Variants in PPP2R2C observed in about 807,000 individuals in gnomAD.
The protein encoded by PPP2R2C is protein phosphatase 2 regulatory subunit Bgamma, also known as protein phosphatase 2, regulatory subunit B, gamma.
PPP2R2C carries 10 observed loss-of-function variants against 45.3 expected under a neutral mutation model. That is an observed-to-expected ratio of 0.22 (90% CI 0.14 to 0.37). PPP2R2C has a LOEUF of 0.37. Ranked by LOEUF, PPP2R2C falls within the 10% of genes least tolerant of loss-of-function variation. The pLI is 1.00. For synonymous variants in PPP2R2C, 257 were observed against 245.4 expected (o/e 1.05, Z -0.44); for missense variants, 308 against 619.7 (o/e 0.50, Z 5.34).
intron 1 of PPP2R2C, among the ~76,000 whole-genome samples, chr4:6,405,189 T>C (rs886212181): frequency 1.3e-5 from 2 of 152,112 alleles, no homozygotes; most frequent in Admixed American, 6.5e-5. Context: ...ATTATATTAG[T>C]CTCCCCGTTT....
intron 5 of PPP2R2C, among the ~76,000 whole-genome samples, chr4:6,357,846 C>T (rs1351061638): frequency 2.0e-5 from 3 of 152,198 alleles, no homozygotes; most frequent in African/African-American, 7.2e-5. Flanking sequence ...AAGTCTGCAG[C>T]CATCCCTTCC....
chr4:6,511,393 ATGG>A lies in PPP2R2C; in HGVS notation c.49+23875_49+23877del, dbSNP rs1241116275. 5.7e-5 allele frequency among the ~76,000 whole-genome samples: 7 copies of A among 123,638 alleles called. No individual in the cohort carries two copies. In the South Asian group the frequency reaches 1.1e-3, roughly 19 times the overall value. 81.1% of individuals were successfully genotyped at this position (123,638 alleles called of 152,430 possible). A position where few individuals can be genotyped will look rare whatever the true frequency, so the allele number is the denominator to read the frequency against. ...GGTGGCGGTGATGGTGGTGATGGTGATGGTGGTGATGGTGGTGGTGACAGTGAT... is the reference window on the plus strand; with the variant it reads ...GGTGGCGGTGATGGTGGTGATGGTGATGGTGATGGTGGTGGTGACAGTGAT... On this transcript the variant is annotated intron_variant, in intron 2 of 9. Transcript: ENST00000506140.
intron 1 of PPP2R2C, among the ~76,000 whole-genome samples, chr4:6,430,879 C>T (rs1222744456): frequency 6.6e-6 from 1 of 151,908 alleles, no homozygotes; most frequent in African/African-American, 2.4e-5. Context: ...GAGCCAAGAT[C>T]GCACCACTGC....
At chr4:6,447,351 C>T (rs955388638) in intron 1 of PPP2R2C, among the ~76,000 whole-genome samples, 6 of 152,206 alleles carry the variant, frequency 3.9e-5, no homozygotes, top group Admixed American at 2.6e-4. Context: ...CCCACCCTCC[C>T]GTTTCCATGG....
At chr4:6,385,772 A>G (rs527412810) in intron 1 of PPP2R2C, among the ~76,000 whole-genome samples, 1 of 152,160 alleles carries the variant, frequency 6.6e-6, no homozygotes, top group South Asian at 2.1e-4. Flanking sequence ...GTTTCACCAT[A>G]TTGGTCAGGT....
intron 2 of PPP2R2C, among the ~76,000 whole-genome samples, chr4:6,486,135 C>A (rs1438725387): frequency 6.6e-6 from 1 of 151,968 alleles, no homozygotes; most frequent in East Asian, 1.9e-4. Flanking sequence ...CTTTCTTGGA[C>A]ACATGGGTTA....
chr4:6,512,201 T>G (rs1723613726), intron 2 of PPP2R2C, among the ~76,000 whole-genome samples: 1 of 86,506 alleles, frequency 1.2e-5, no homozygotes. Flanking sequence ...GTGGTGGTGA[T>G]GGTGGTGGTG....
At position 6,345,060 on chromosome 4, in the gene PPP2R2C, G is replaced by C. The variant is rs1420703964; in HGVS notation, c.790+2786C>G. 1.3e-5 allele frequency among the ~76,000 whole-genome samples: 2 copies of C among 152,216 alleles called. No homozygotes were observed. Among genetic ancestry groups the C allele is most frequent in the Non-Finnish European group, 2.9e-5 (2 of 68,038 alleles). ...AAGCTGCCTCACTCATTTCAGAAGA[G>C]TTGAATAATCTTAGCATTTAAGATT... On this transcript the variant is annotated intron_variant, in intron 6 of 8. Coordinates refer to ENST00000382599, the MANE Select transcript of PPP2R2C (RefSeq NM_020416.4). The surrounding 1 kb of genome is among the most constrained non-coding windows in gnomAD (Gnocchi z 5.3).
chr4:6,531,205 G>A (rs1334087934), intron 2 of PPP2R2C, among the ~76,000 whole-genome samples: 1 of 152,194 alleles, frequency 6.6e-6, no homozygotes, highest in Non-Finnish European at 1.5e-5. Flanking sequence ...AGTGTCCTTC[G>A]AGGCCTCTCA....
chr4:6,421,725 GC>G (rs34332993), intron 1 of PPP2R2C, among the ~76,000 whole-genome samples: 146,114 of 152,094 alleles, frequency 0.96, 70,484 homozygotes, highest in East Asian at 1. Flanking sequence ...GCACTCGGAG[GC>G]CCAGCCTCCC....
chr4:6,360,117 C>G (rs1713593454), intron 5 of PPP2R2C, among the ~76,000 whole-genome samples: 1 of 152,212 alleles, frequency 6.6e-6, no homozygotes, highest in Non-Finnish European at 1.5e-5. Flanking sequence ...AATAGTCCAC[C>G]CCTGCAGGCA....
intron 2 of PPP2R2C, among the ~76,000 whole-genome samples, chr4:6,526,964 C>G (rs1201290580): frequency 6.6e-6 from 1 of 152,168 alleles, no homozygotes; most frequent in Admixed American, 6.5e-5. Context: ...CCGAGTTCCC[C>G]AGCTGCTCAC....
Position 6,485,348 on chromosome 4 carries a change from A to G in PPP2R2C, c.49+49923T>C, listed in dbSNP as rs192928366. Among the ~76,000 whole-genome samples the G allele has an allele frequency of 4.9e-3, 737 of 151,938 alleles. 8 individuals are homozygous for G. The highest frequency in any genetic ancestry group is 0.017 in the African/African-American group (702 of 41,530). ...TGTACATGAGGACACGAATTTTTTC[A>G]TAATGTCTGTCTGGTTTTGAGATCA... On this transcript the variant is annotated intron_variant, in intron 2 of 9. Transcript: ENST00000506140.
At chr4:6,355,409 C>T (rs1249881818) in intron 5 of PPP2R2C, among the ~76,000 whole-genome samples, 2 of 151,966 alleles carry the variant, frequency 1.3e-5, no homozygotes, top group African/African-American at 4.8e-5. Context: ...GGGAGATAGA[C>T]CTAATGCTAG....
chr4:6,394,989 C>T (rs1364199523), intron 1 of PPP2R2C, among the ~76,000 whole-genome samples: 1 of 152,164 alleles, frequency 6.6e-6, no homozygotes. Flanking sequence ...AGCCAGCAGC[C>T]CCCCTCCGCC....
intron 5 of PPP2R2C, chr4:6,348,942 C>A: frequency 1.1e-6 from 1 of 915,250 alleles, no homozygotes; most frequent in Non-Finnish European, 1.3e-6. Context: ...CACTAGAGCA[C>A]AGAGAAGATG....
chr4:6,457,274 G>A (rs1010477544), intron 1 of PPP2R2C, among the ~76,000 whole-genome samples: 4 of 150,554 alleles, frequency 2.7e-5, no homozygotes, highest in Non-Finnish European at 4.4e-5. Context: ...AATAATCAAT[G>A]AGGAAATTAC....
intron 6 of PPP2R2C, among the ~76,000 whole-genome samples, chr4:6,341,208 C>T (rs6839498): frequency 4.6e-5 from 7 of 152,086 alleles, no homozygotes; most frequent in East Asian, 3.9e-4. Flanking sequence ...GTGTGGTGGC[C>T]GGCACCTGCA....
intron 5 of PPP2R2C, chr4:6,350,510 G>GT (rs1712447467): frequency 1.0e-6 from 1 of 985,318 alleles, no homozygotes; most frequent in East Asian, 1.1e-4. Context: ...GCCCAGGAAC[G>GT]TGAGTCCCAC....
Sources: allele counts gnomAD v4.1 joint callset (sites outside exome capture counted in the v4.1 genomes callset), GRCh38; gene constraint gnomAD v4.1.1; non-coding constraint Gnocchi (gnomAD v3.1); transcripts MANE v1.5; gene names NCBI Gene and HGNC (gene_info 2026-07-23, HGNC 2026-07-21).